THPO: variants seen among roughly 807,000 people sequenced by gnomAD.
The protein encoded by THPO is thrombopoietin, also known as MPL ligand.
In THPO, 12 loss-of-function variants were observed where a neutral mutation model predicts 17.0. The ratio of observed to expected loss-of-function variants is 0.71; its 90% CI spans 0.45 to 1.14. THPO has a LOEUF of 1.14. THPO is among the 50% of genes most tolerant of loss of function. The pLI is 0.00. For missense variants in THPO, 365 were observed against 427.5 expected (o/e 0.85, Z 1.29); for synonymous variants, 188 against 183.0 (o/e 1.03, Z -0.22).
Position 184,372,642 on chromosome 3 carries a change from G to T in THPO, c.933C>A (p.Pro311=). 6.2e-7 allele frequency: 1 copy of T among 1,613,256 alleles called. No individual in the cohort carries two copies. Among genetic ancestry groups the T allele is most frequent in the Non-Finnish European group, 8.5e-7 (1 of 1,179,370 alleles). ...GCTGGACCACAGGGGTGGGCAAGGT[G>T]GGTGGAAGAGGGAAGAGCGTATACT... The part of the protein sequence containing the change: ...TGQYTLFPLP[P]TLPTPVVQLH... Residue 311 remains proline (P), a synonymous_variant, in exon 6 of 6, where the codon CCC becomes CCA. Coordinates refer to ENST00000647395, the MANE Select transcript of THPO (RefSeq NM_000460.4).
intron 4 of THPO, among the ~76,000 whole-genome samples, chr3:184,373,963 C>T (rs1032970496): frequency 5.3e-5 from 8 of 152,220 alleles, no homozygotes; most frequent in Non-Finnish European, 8.8e-5. Flanking sequence ...TGCAGTGGCT[C>T]ACGCCTGTAA....
intron 1 of THPO, 144 bp from the exon 2 acceptor site, chr3:184,376,548 T>C (rs952840340): frequency 2.9e-5 from 28 of 959,074 alleles, no homozygotes; most frequent in Non-Finnish European, 3.5e-5. Flanking sequence ...TTTCTTGTGA[T>C]GAAAGCATAT....
upstream of THPO, among the ~76,000 whole-genome samples, chr3:184,379,647 G>A (rs959934581): frequency 6.6e-6 from 1 of 152,120 alleles, no homozygotes; most frequent in Non-Finnish European, 1.5e-5. Context: ...GCGGAACCGG[G>A]TCCTCGCTCA....
In THPO at chr3:184,376,413, A is replaced by C; in HGVS notation, c.-145-9T>G. 1 of 1,566,518 alleles carries C rather than the reference A, an allele frequency of 6.4e-7. No homozygotes were observed. Among genetic ancestry groups the C allele is most frequent in the Non-Finnish European group, 8.6e-7 (1 of 1,160,736 alleles). On this transcript the variant is annotated splice_polypyrimidine_tract_variant and intron_variant, in intron 1 of 5. Transcript: ENST00000647395. ...AGGGTGAAGAATCTATCCTGAAAGT[A>C]GCAAGAAGAGTGAACATTTAACCAA... is the stretch of plus-strand genomic sequence containing the variant.
chr3:184,372,763 G>GCT lies in THPO; in HGVS notation c.810_811dup (p.Ala271GlufsTer70). 1 of 1,613,984 alleles carries GCT rather than the reference G, an allele frequency of 6.2e-7. No individual in the cohort carries two copies. Among genetic ancestry groups the GCT allele is most frequent in the Non-Finnish European group, 8.5e-7 (1 of 1,179,948 alleles). On this transcript the variant is annotated frameshift_variant, in exon 6 of 6. Coordinates refer to ENST00000647395, the MANE Select transcript of THPO (RefSeq NM_000460.4). LOFTEE classifies it low-confidence loss of function (END_TRUNC). ...TGATGTTCCTGAGGAAATGTCCGGG[G>GCT]CTCCTAGGGTCCTGCGTGAGGGTCC...
intron 4 of THPO, among the ~76,000 whole-genome samples, chr3:184,374,071 T>C (rs1371924116): frequency 6.6e-6 from 1 of 151,988 alleles, no homozygotes; most frequent in African/African-American, 2.4e-5. Flanking sequence ...CTACCAAAAA[T>C]ACAAAAATTA....
In THPO at chr3:184,372,488, C is replaced by A; in HGVS notation, c.*25G>T. On this transcript the variant is annotated 3_prime_UTR_variant, in exon 6 of 6. Coordinates refer to ENST00000647395, the MANE Select transcript of THPO (RefSeq NM_000460.4). ...GAAGGGAGCTGTACACGAGACAATG[C>A]TGATGTCGGCAGTGTCTGAGAACCT... is the stretch of plus-strand genomic sequence containing the variant. 6.2e-7 allele frequency: 1 copy of A among 1,613,874 alleles called. No individual in the cohort carries two copies. The highest frequency in any genetic ancestry group is 1.7e-5 in the Admixed American group (1 of 60,024).
At chr3:184,378,778 G>C (rs1471494956), upstream of THPO, 2 of 984,796 alleles carry the variant, frequency 2.0e-6, no homozygotes, top group Non-Finnish European at 2.4e-6. Flanking sequence ...GTCTGCTGGG[G>C]TCCAGTGGCT....
At position 184,375,618 on chromosome 3, in the gene THPO, G is replaced by T; in HGVS notation, c.142-17C>A. On this transcript the variant is annotated splice_polypyrimidine_tract_variant and intron_variant, in intron 3 of 5. Coordinates refer to ENST00000647395, the MANE Select transcript of THPO (RefSeq NM_000460.4). ...GCACTGGCTCTGTTGAAAAAGATTGGTGGGGGGAGAAGGGAGCTGAAATAG... is the reference window on the plus strand; with the variant it reads ...GCACTGGCTCTGTTGAAAAAGATTGTTGGGGGGAGAAGGGAGCTGAAATAG... 6.2e-7 allele frequency: 1 copy of T among 1,613,558 alleles called. No individual in the cohort carries two copies. Among genetic ancestry groups the T allele is most frequent in the Non-Finnish European group, 8.5e-7 (1 of 1,179,514 alleles).
chr3:184,373,831 TTC>T (rs1386522386), intron 4 of THPO, among the ~76,000 whole-genome samples: 2 of 152,236 alleles, frequency 1.3e-5, no homozygotes, highest in Non-Finnish European at 2.9e-5. Context: ...AGCTCCTTTT[TTC>T]TTACGTTGCT....
Position 184,372,665 on chromosome 3 carries a change from A to G in THPO, c.910T>C (p.Tyr304His). The change falls in exon 6 of 6, where the codon TAT becomes CAT. Residue 304 changes from tyrosine to histidine, a missense_variant. Physicochemically the swap from Tyr to His is moderately conservative, Grantham distance 83. Coordinates refer to ENST00000647395, the MANE Select transcript of THPO (RefSeq NM_000460.4). ...GTGGGTGGAAGAGGGAAGAGCGTAT[A>G]CTGTCCAGTAGGAGGATGGGTTGGG... ...PSPTHPPTGQ[Y>H]TLFPLPPTLP... 6.2e-7 allele frequency: 1 copy of G among 1,613,074 alleles called. No homozygotes were observed. The highest frequency in any genetic ancestry group is 8.5e-7 in the Non-Finnish European group (1 of 1,179,278).
upstream of THPO, chr3:184,378,384 G>A (rs1164676788): frequency 2.0e-6 from 2 of 985,474 alleles, no homozygotes; most frequent in African/African-American, 3.5e-5. Context: ...GGACCTGGAG[G>A]GGGACAGGAG....
chr3:184,376,436 C>G, intron 1 of THPO, 32 bp from the exon 2 acceptor site: 2 of 1,509,336 alleles, frequency 1.3e-6, no homozygotes, highest in Non-Finnish European at 1.8e-6. Flanking sequence ...AACATTTAAC[C>G]AAGTTTCTAG....
Position 184,372,758 on chromosome 3 carries a change from C to G in THPO, c.817G>C (p.Asp273His). ...GTGTCTGATGTTCCTGAGGAAATGT[C>G]CGGGGCTCCTAGGGTCCTGCGTGAG... ...GPSRRTLGAP[D>H]ISSGTSDTGS... is the part of the protein sequence containing the mutation. Residue 273 changes from aspartate to histidine, a missense_variant, in exon 6 of 6, where the codon GAC becomes CAC. Coordinates refer to ENST00000647395, the MANE Select transcript of THPO (RefSeq NM_000460.4). 1 of 1,613,756 alleles carries G rather than the reference C, an allele frequency of 6.2e-7. No individual in the cohort carries two copies. The highest frequency in any genetic ancestry group is 8.5e-7 in the Non-Finnish European group (1 of 1,179,874).
chr3:184,375,493 A>G, intron 4 of THPO, 22 bp downstream of exon 4: 1 of 1,611,294 alleles, frequency 6.2e-7, no homozygotes, highest in Non-Finnish European at 8.5e-7. Context: ...AGGGAAGCCA[A>G]GGTTAGGGAT....
At chr3:184,373,885 C>T (rs1714174032) in intron 4 of THPO, among the ~76,000 whole-genome samples, 1 of 152,174 alleles carries the variant, frequency 6.6e-6, no homozygotes, top group Admixed American at 6.6e-5. Flanking sequence ...GGTTCTAGTG[C>T]TGCAAATTTA....
chr3:184,375,160 C>A (rs924019786), intron 4 of THPO, among the ~76,000 whole-genome samples: 1 of 152,126 alleles, frequency 6.6e-6, no homozygotes, highest in Non-Finnish European at 1.5e-5. Flanking sequence ...TTGATTCAGT[C>A]TTTTGTTATT....
upstream of THPO, among the ~76,000 whole-genome samples, chr3:184,378,545 G>A (rs1339760790): frequency 1.3e-5 from 2 of 152,216 alleles, no homozygotes; most frequent in Non-Finnish European, 2.9e-5. Context: ...AAATCCAACA[G>A]GATGCTTGCT....
chr3:184,372,110 G>A lies in THPO; in HGVS notation c.*403C>T, dbSNP rs1211135366. ...GAATGATAGTAAAGGGGATGGGGGC[G>A]TTGGAAGGCCTTGAATTTGAAGCAA... On this transcript the variant is annotated 3_prime_UTR_variant, in exon 6 of 6. Transcript: ENST00000647395. 1.8e-5 allele frequency: 4 copies of A among 223,552 alleles called. No homozygotes were observed. The highest frequency in any genetic ancestry group is 7.4e-5 in the South Asian group (1 of 13,514). The allele number at this position is 223,552 out of a possible 1,614,324, so 13.8% of individuals were successfully genotyped here. A position where few individuals can be genotyped will look rare whatever the true frequency, so the allele number is the denominator to read the frequency against.
Sources: gnomAD v4.1 joint callset for allele counts (sites outside exome capture counted in the v4.1 genomes callset) on GRCh38, gnomAD v4.1.1 for gene constraint, MANE v1.5 for transcripts, NCBI Gene and HGNC (gene_info 2026-07-23, HGNC 2026-07-21) for gene names.